Variants in PKP1 observed in about 807,000 individuals in gnomAD.
PKP1 encodes plakophilin-1.
Under a neutral mutation model 76.4 loss-of-function variants are expected in PKP1, and 27 were observed. That is an observed-to-expected ratio of 0.35 (90% CI 0.26 to 0.49). The LOEUF is 0.49. Ranked by LOEUF, PKP1 falls within the 20% of genes least tolerant of loss-of-function variation. The pLI is 0.99. For synonymous variants in PKP1, 404 were observed against 384.2 expected (o/e 1.05, Z -0.60); for missense variants, 964 against 955.2 (o/e 1.01, Z -0.12).
chr1:201,317,292 A>C (rs1188296160), intron 4 of PKP1, among the ~76,000 whole-genome samples: 1 of 152,168 alleles, frequency 6.6e-6, no homozygotes, highest in African/African-American at 2.4e-5. Context: ...TCTCCAGAGG[A>C]AGAAAGCAGG....
chr1:201,290,735 G>A lies in PKP1; in HGVS notation c.203-3207G>A, dbSNP rs142359374. Among the ~76,000 whole-genome samples the A allele has an allele frequency of 1.8e-4, 27 of 152,300 alleles. No individual in the cohort carries two copies. The East Asian group carries it at 3.1e-3, about 17-fold the overall frequency. On this transcript the variant is annotated intron_variant, in intron 1 of 13. Transcript: ENST00000367324. ...GCCAGTCAGGCCCAGACCCAGCTGG[G>A]GCAATGCCCTGAACTCAAGGTCCCA...
rs1441062455 is a variant in PKP1 at position 201,328,837 on chromosome 1, G to A, written c.*1G>A. The A allele has an allele frequency of 1.2e-6, 2 of 1,613,070 alleles. No individual in the cohort carries two copies. The highest frequency in any genetic ancestry group is 1.7e-6 in the Non-Finnish European group (2 of 1,179,092). ...CAGGAACTTCACCTCCCGATTCTAA[G>A]AAGAGACTGTCCAAGCAAGTTAGGC... On this transcript the variant is annotated 3_prime_UTR_variant, in exon 13 of 14. Transcript: ENST00000367324.
chr1:201,323,661 G>A (rs1558195731), intron 9 of PKP1, among the ~76,000 whole-genome samples: 1 of 152,230 alleles, frequency 6.6e-6, no homozygotes, highest in Non-Finnish European at 1.5e-5. Flanking sequence ...GTATGGGGCA[G>A]AGCCAGAGGA....
At chr1:201,284,494 G>A (rs1048820549) in intron 1 of PKP1, among the ~76,000 whole-genome samples, 1 of 152,238 alleles carries the variant, frequency 6.6e-6, no homozygotes, top group African/African-American at 2.4e-5. Flanking sequence ...AGACAGGAGT[G>A]CAGCTCAGGA....
chr1:201,319,714 C>A, intron 6 of PKP1: 2 of 1,159,652 alleles, frequency 1.7e-6, no homozygotes, highest in South Asian at 1.2e-5. Context: ...CTGCTGGGGG[C>A]AGAACACAGC....
chr1:201,290,284 CTCCT>C (rs964460694), intron 1 of PKP1, among the ~76,000 whole-genome samples: 2 of 152,158 alleles, frequency 1.3e-5, no homozygotes, highest in African/African-American at 4.8e-5. Flanking sequence ...GAGGCACTTG[CTCCT>C]TGACCTTGGG....
intron 5 of PKP1, 122 bp downstream of exon 5, chr1:201,317,901 G>T: frequency 1.0e-6 from 1 of 962,012 alleles, no homozygotes; most frequent in Non-Finnish European, 1.6e-6. Context: ...TGCAGATTTG[G>T]CCCAGGGCTA....
chr1:201,283,630 C>G lies in PKP1; in HGVS notation c.-73C>G, dbSNP rs907455558. The G allele has an allele frequency of 7.4e-7, 1 of 1,345,432 alleles. No individual in the cohort carries two copies. Among genetic ancestry groups the G allele is most frequent in the Non-Finnish European group, 1.0e-6 (1 of 956,882 alleles). The allele number at this position is 1,345,432 out of a possible 1,614,324, so 83.3% of individuals were successfully genotyped here. ...GCGAGAAGAGCACGCTCCTGCCCGC[C>G]CGCTGCACCGCACCTCGCCTCGCCT... On this transcript the variant is annotated 5_prime_UTR_variant, in exon 1 of 14. Transcript: ENST00000367324.
At chr1:201,322,954 G>A in intron 8 of PKP1, 59 bp from the exon 9 acceptor site, 1 of 1,551,656 alleles carries the variant, frequency 6.4e-7, no homozygotes, top group Non-Finnish European at 8.8e-7. Flanking sequence ...CAGAATGCCT[G>A]GGTTGTGTCC....
At position 201,323,060 on chromosome 1, in the gene PKP1, G is replaced by T. The variant is rs766109517; in HGVS notation, c.1551G>T (p.Lys517Asn). 1 of 1,614,142 alleles carries T rather than the reference G, an allele frequency of 6.2e-7. No homozygotes were observed. The highest frequency in any genetic ancestry group is 2.2e-5 in the East Asian group (1 of 44,884). Residue 517 changes from lysine (K) to asparagine (N), a missense_variant, in exon 9 of 14, where the codon AAG becomes AAT. Lys to Asn is a moderately conservative substitution (Grantham distance 94). Transcript: ENST00000367324. ...CPLPEEETNP[K>N]GSGWLYHSDA... is the part of the protein sequence containing the mutation. ...TGCCTGAGGAAGAGACCAACCCCAA[G>T]GGCAGCGGCTGGTTGTACCATTCAG...
intron 2 of PKP1, among the ~76,000 whole-genome samples, chr1:201,303,289 A>G (rs1300905992): frequency 6.6e-6 from 1 of 151,902 alleles, no homozygotes; most frequent in Admixed American, 6.6e-5. Context: ...AGTAGCTGCA[A>G]CTACAGGCAC....
chr1:201,332,154 G>A lies in PKP1; in HGVS notation c.*2113G>A. ...CTGTGCAGTCCGGTCAGGGCGGGAG[G>A]GGAAATGCACCGCTGCATGTGAACC... On this transcript the variant is annotated 3_prime_UTR_variant, in exon 14 of 14. Coordinates refer to ENST00000367324, the MANE Select transcript of PKP1 (RefSeq NM_001005337.3). 1 of 152,274 alleles carries A rather than the reference G, an allele frequency of 6.6e-6. No homozygotes were observed. The highest frequency in any genetic ancestry group is 2.4e-5 in the African/African-American group (1 of 41,446). The allele number at this position is 152,274 out of a possible 1,614,324, so 9.4% of individuals were successfully genotyped here.
chr1:201,311,328 A>G (rs1262938693), intron 2 of PKP1, among the ~76,000 whole-genome samples: 1 of 152,182 alleles, frequency 6.6e-6, no homozygotes, highest in Non-Finnish European at 1.5e-5. Flanking sequence ...GTGATTGTCC[A>G]TCTATGCCTC....
intron 2 of PKP1, among the ~76,000 whole-genome samples, chr1:201,312,512 T>C (rs1040477867): frequency 3.3e-5 from 5 of 152,186 alleles, no homozygotes; most frequent in African/African-American, 7.2e-5. Flanking sequence ...AGATCAGAGG[T>C]TGTCAAACTT....
rs141431925 is a variant in PKP1, at chr1:201,293,899, G to T, written c.203-43G>T. On this transcript the variant is annotated intron_variant, in intron 1 of 13. Transcript: ENST00000367324. ...GCCCTGAGGAACAGGGGTGGATGAAGATCATGGCCATCCCTGTCCTAATCC... is the reference window on the plus strand; with the variant it reads ...GCCCTGAGGAACAGGGGTGGATGAATATCATGGCCATCCCTGTCCTAATCC... 7.6e-5 allele frequency: 100 copies of T among 1,316,800 alleles called. 2 individuals are homozygous for T. In the African/African-American group the frequency reaches 1.3e-3, roughly 18 times the overall value. 81.6% of individuals were successfully genotyped at this position (1,316,800 alleles called of 1,614,324 possible).
intron 11 of PKP1, 76 bp downstream of exon 11, chr1:201,325,203 C>T (rs760373471): frequency 1.1e-5 from 16 of 1,444,842 alleles, no homozygotes; most frequent in East Asian, 9.1e-5. Flanking sequence ...GAAGCAGTCC[C>T]GCAGCTCTCC....
At chr1:201,309,422 C>T (rs1378541737) in intron 2 of PKP1, among the ~76,000 whole-genome samples, 4 of 152,136 alleles carry the variant, frequency 2.6e-5, no homozygotes, top group Non-Finnish European at 5.9e-5. Context: ...AGTGAAGAAA[C>T]ATGTCTCTCA....
chr1:201,307,731 G>A (rs964717889), intron 2 of PKP1, among the ~76,000 whole-genome samples: 34 of 152,236 alleles, frequency 2.2e-4, no homozygotes, highest in African/African-American at 7.7e-4. Context: ...TGAGTGGGGA[G>A]TGGCAGGTAC....
chr1:201,301,372 C>T (rs892260669), intron 2 of PKP1, among the ~76,000 whole-genome samples: 2 of 152,220 alleles, frequency 1.3e-5, no homozygotes, highest in Non-Finnish European at 2.9e-5. Context: ...TCCCCAGAGA[C>T]AACAGAAGCC....
Sources: allele counts gnomAD v4.1 joint callset (sites outside exome capture counted in the v4.1 genomes callset), GRCh38; gene constraint gnomAD v4.1.1; transcripts MANE v1.5; gene names NCBI Gene and HGNC (gene_info 2026-07-23, HGNC 2026-07-21).